The following ROBO2 variants were observed in gnomAD, a reference collection of about 807,000 sequenced individuals.
ROBO2 encodes the protein roundabout guidance receptor 2.
ROBO2 carries 53 observed loss-of-function variants against 160.8 expected under a neutral mutation model. The ratio of observed to expected loss-of-function variants is 0.33; its 90% CI spans 0.26 to 0.41. The LOEUF is 0.41. Ranked by LOEUF, ROBO2 falls within the 10% of genes least tolerant of loss-of-function variation. The pLI, the probability that ROBO2 is intolerant of heterozygous loss-of-function variation, is 1.00. For synonymous variants in ROBO2, 664 were observed against 611.7 expected (o/e 1.09, Z -1.26); for missense variants, 1,577 against 1,722.4 (o/e 0.92, Z 1.49).
intron 2 of ROBO2, among the ~76,000 whole-genome samples, chr3:76,543,385 A>G (rs2082919325): frequency 6.6e-6 from 1 of 152,138 alleles, no homozygotes; most frequent in Non-Finnish European, 1.5e-5. Flanking sequence ...AACAACATAC[A>G]CAGAGGAAAG....
intron 2 of ROBO2, among the ~76,000 whole-genome samples, chr3:76,457,788 C>A (rs1191911725): frequency 1.3e-5 from 2 of 152,128 alleles, no homozygotes; most frequent in East Asian, 1.9e-4. Flanking sequence ...TTCTGTGCAC[C>A]CTGAGGCTCA....
intron 19 of ROBO2, among the ~76,000 whole-genome samples, chr3:77,598,488 T>C (rs1178592986): frequency 8.8e-6 from 1 of 113,918 alleles, no homozygotes; most frequent in Non-Finnish European, 1.6e-5. Flanking sequence ...ATATAGTGTG[T>C]ATATATATAT....
At chr3:76,667,416 A>G (rs2092092078) in intron 2 of ROBO2, among the ~76,000 whole-genome samples, 1 of 152,178 alleles carries the variant, frequency 6.6e-6, no homozygotes, top group African/African-American at 2.4e-5. Context: ...TGTTTGAAAA[A>G]ATGTAGAGAC....
chr3:77,174,946 T>A (rs1319084660), intron 2 of ROBO2, among the ~76,000 whole-genome samples: 1 of 152,050 alleles, frequency 6.6e-6, no homozygotes, highest in African/African-American at 2.4e-5. Flanking sequence ...TAAAGCCTGT[T>A]TTAACATAAA....
At chr3:77,093,867 A>G (rs917894847) in intron 1 of ROBO2, among the ~76,000 whole-genome samples, 7 of 152,148 alleles carry the variant, frequency 4.6e-5, no homozygotes, top group Non-Finnish European at 8.8e-5. Flanking sequence ...AGAACCTAAG[A>G]TTATAAATGA....
At chr3:75,994,617 C>G (rs749060698) in intron 2 of ROBO2, among the ~76,000 whole-genome samples, 1 of 152,200 alleles carries the variant, frequency 6.6e-6, no homozygotes, top group Non-Finnish European at 1.5e-5. Flanking sequence ...AATATCTTTT[C>G]TTTACAAATT....
chr3:76,975,264 G>A (rs1462266573), intron 2 of ROBO2, among the ~76,000 whole-genome samples: 2 of 152,124 alleles, frequency 1.3e-5, no homozygotes, highest in Admixed American at 1.3e-4. Context: ...CAGCACTTTG[G>A]GAGGCTGAGG....
At chr3:76,321,983 A>G (rs2072566063) in intron 2 of ROBO2, among the ~76,000 whole-genome samples, 1 of 151,940 alleles carries the variant, frequency 6.6e-6, no homozygotes, top group African/African-American at 2.4e-5. Context: ...GGTCTAGCAC[A>G]CAGAATCATG....
In ROBO2 at chr3:76,625,623, C is replaced by T. The variant is rs1369572326; in HGVS notation, c.110-472391C>T. Among the ~76,000 whole-genome samples, 5 of 152,210 alleles carry T rather than the reference C, an allele frequency of 3.3e-5. No homozygotes were observed. In the East Asian group the frequency reaches 7.7e-4, roughly 24 times the overall value. On this transcript the variant is annotated intron_variant, in intron 2 of 26. Coordinates refer to the ROBO2 transcript ENST00000487694. The stretch of plus-strand genomic sequence containing the variant: ...AAAAAGGAAGTAAAGGAGGAAGTTA[C>T]GTGGATCTATGAGAAAAAGATATTC...
At chr3:76,891,362 A>T (rs1423250053) in intron 2 of ROBO2, among the ~76,000 whole-genome samples, 2 of 152,158 alleles carry the variant, frequency 1.3e-5, no homozygotes, top group Non-Finnish European at 1.5e-5. Flanking sequence ...TAAATTTAAA[A>T]TTATTATTTT....
At chr3:76,812,339 C>T (rs1301972379) in intron 2 of ROBO2, among the ~76,000 whole-genome samples, 2 of 125,882 alleles carry the variant, frequency 1.6e-5, no homozygotes, top group African/African-American at 5.7e-5. Flanking sequence ...AAGATAAAAG[C>T]TATTTGAAAA....
At chr3:76,379,098 A>G in intron 2 of ROBO2, among the ~76,000 whole-genome samples, 1 of 152,296 alleles carries the variant, frequency 6.6e-6, no homozygotes, top group East Asian at 1.9e-4. Flanking sequence ...CTGACCATGG[A>G]GCAGACATTA....
intron 2 of ROBO2, among the ~76,000 whole-genome samples, chr3:76,806,400 C>T (rs1235041464): frequency 6.6e-6 from 1 of 151,800 alleles, no homozygotes; most frequent in East Asian, 1.9e-4. Context: ...GTTCTCTGAA[C>T]AGTGAGGTAG....
intron 2 of ROBO2, among the ~76,000 whole-genome samples, chr3:77,364,753 T>C (rs1018492825): frequency 6.6e-6 from 1 of 152,126 alleles, no homozygotes; most frequent in Admixed American, 6.6e-5. Context: ...TCTAGCATGG[T>C]GTTGAGAGGA....
rs1947224217 is a variant in ROBO2 at position 75,924,910 on chromosome 3, G to C, written c.-13-12571G>C. Among the ~76,000 whole-genome samples, 4 of 151,352 alleles carry C rather than the reference G, an allele frequency of 2.6e-5. No individual in the cohort carries two copies. The South Asian group carries it at 6.3e-4, about 24-fold the overall frequency. ...TCACCGTGTTAGCCAGGATGGTCTCGATCTCCTGACCTCGTGATCCGCCCG... is the reference window on the plus strand; with the variant it reads ...TCACCGTGTTAGCCAGGATGGTCTCCATCTCCTGACCTCGTGATCCGCCCG... On this transcript the variant is annotated intron_variant, in intron 1 of 26. Coordinates refer to the ROBO2 transcript ENST00000487694.
intron 2 of ROBO2, among the ~76,000 whole-genome samples, chr3:77,223,420 A>G (rs769508064): frequency 8.5e-5 from 13 of 152,150 alleles, no homozygotes; most frequent in Non-Finnish European, 1.0e-4. Context: ...CGCAATAAAC[A>G]TTTTTCTTTT....
At chr3:76,934,379 T>C (rs1252152673) in intron 2 of ROBO2, among the ~76,000 whole-genome samples, 3 of 152,110 alleles carry the variant, frequency 2.0e-5, no homozygotes, top group Non-Finnish European at 4.4e-5. Flanking sequence ...ATGATTTGCT[T>C]AAATAAAAAT....
At chr3:77,371,739 G>A (rs2071781274) in intron 2 of ROBO2, among the ~76,000 whole-genome samples, 1 of 152,178 alleles carries the variant, frequency 6.6e-6, no homozygotes, top group African/African-American at 2.4e-5. Context: ...GACCTGCTAA[G>A]TATTTCAGTT....
chr3:76,501,703 T>G (rs2080470831), intron 2 of ROBO2, among the ~76,000 whole-genome samples: 1 of 152,224 alleles, frequency 6.6e-6, no homozygotes, highest in African/African-American at 2.4e-5. Context: ...GTATTTTCTC[T>G]TACTTAATGA....
Sources: allele counts gnomAD v4.1 joint callset (sites outside exome capture counted in the v4.1 genomes callset), GRCh38; gene constraint gnomAD v4.1.1; transcripts MANE v1.5; gene names NCBI Gene and HGNC (gene_info 2026-07-23, HGNC 2026-07-21).